The following FBXO16 variants were observed in gnomAD, a reference collection of about 807,000 sequenced individuals.
FBXO16 encodes F-box protein 16.
Under a neutral mutation model 41.0 loss-of-function variants are expected in FBXO16, and 31 were observed. The observed-to-expected ratio is 0.76, with a 90% CI of 0.57 to 1.02. The LOEUF is 1.02. Ranked by LOEUF, FBXO16 falls within the 50% of genes least tolerant of loss-of-function variation. FBXO16 has a pLI of 0.00. For synonymous variants in FBXO16, 133 were observed against 117.8 expected, an observed-to-expected ratio of 1.13 and a Z score of -0.84; for missense variants, 361 against 346.2, an observed-to-expected ratio of 1.04 and a Z score of -0.34.
At chr8:28,447,321 C>T (rs778405361) in intron 6 of FBXO16, 48 bp from the exon 7 acceptor site, 16 of 1,514,782 alleles carry the variant, frequency 1.1e-5, no homozygotes, top group Non-Finnish European at 1.4e-5. Flanking sequence ...CTTTTTAAAA[C>T]TCAGGTGGTT....
In FBXO16 at chr8:28,456,940, C is replaced by G. The variant is rs1220127654; in HGVS notation, c.343-10G>C. 5 of 1,610,054 alleles carry G rather than the reference C, an allele frequency of 3.1e-6. No individual in the cohort carries two copies. The Middle Eastern group carries it at 5.0e-4, about 160-fold the overall frequency. On this transcript the variant is annotated splice_polypyrimidine_tract_variant and intron_variant, in intron 4 of 8. Transcript: ENST00000380254. ...TCCAATGCCAGCACACCTGGAAAAACAATTACAATTAAACAAAACCAAATC... is the reference window on the plus strand; with the variant it reads ...TCCAATGCCAGCACACCTGGAAAAAGAATTACAATTAAACAAAACCAAATC...
rs891133126 is a variant in FBXO16, at chr8:28,465,109, AT to A, written c.136-1292del. 8.1e-3 allele frequency: 1,181 copies of A among 146,398 alleles called. 5 individuals are homozygous for A. Among genetic ancestry groups the A allele is most frequent in the South Asian group, 0.012 (63 of 5,374 alleles). The allele number at this position is 146,398 out of a possible 1,614,324, so 9.1% of individuals were successfully genotyped here. ...GTACAATGTATTTTAAATTTATTTG[AT>A]TTTTTTTTTTCTTTTTGGCTTCACA... On this transcript the variant is annotated intron_variant, in intron 3 of 8. Transcript: ENST00000380254.
intron 4 of FBXO16, among the ~76,000 whole-genome samples, chr8:28,460,651 C>T (rs1020369811): frequency 1.3e-5 from 2 of 151,846 alleles, no homozygotes; most frequent in Admixed American, 1.3e-4. Context: ...TTTCAAACTC[C>T]TGACCTCAAG....
chr8:28,430,703 GGC>G (rs1186613429), intron 7 of FBXO16, among the ~76,000 whole-genome samples: 2 of 152,182 alleles, frequency 1.3e-5, no homozygotes, highest in African/African-American at 2.4e-5. Context: ...CAGGCGCAGT[GGC>G]TCATGCCTGT....
intron 1 of FBXO16, among the ~76,000 whole-genome samples, chr8:28,485,195 A>G (rs1321434138): frequency 6.6e-6 from 1 of 151,962 alleles, no homozygotes; most frequent in Admixed American, 6.6e-5. Context: ...TTTTTTGAGA[A>G]GGAGTCTTGC....
chr8:28,429,469 T>C (rs905146439), intron 7 of FBXO16, 66 bp from the exon 8 acceptor site: 8 of 1,588,446 alleles, frequency 5.0e-6, no homozygotes, highest in Non-Finnish European at 6.9e-6. Flanking sequence ...CGAGCTGAGC[T>C]TGAAGGGAGA....
intron 1 of FBXO16, among the ~76,000 whole-genome samples, chr8:28,486,146 T>G (rs1024165884): frequency 2.6e-5 from 4 of 151,510 alleles, no homozygotes; most frequent in African/African-American, 9.7e-5. Flanking sequence ...GTGTAGCCAC[T>G]GAGTCTAGAT....
chr8:28,451,256 T>C (rs553220438), intron 6 of FBXO16, among the ~76,000 whole-genome samples: 22 of 152,340 alleles, frequency 1.4e-4, no homozygotes, highest in Non-Finnish European at 2.6e-4. Flanking sequence ...TAGAGCCCTA[T>C]TGGCTCCTGA....
chr8:28,439,403 T>C (rs1802730657), intron 7 of FBXO16, among the ~76,000 whole-genome samples: 4 of 152,142 alleles, frequency 2.6e-5, no homozygotes, highest in Admixed American at 2.6e-4. Flanking sequence ...CCAATGGATA[T>C]TTTTGGTTCT....
intron 6 of FBXO16, 149 bp from the exon 7 acceptor site, chr8:28,447,422 A>G (rs1802882584): frequency 4.7e-6 from 3 of 634,410 alleles, no homozygotes; most frequent in African/African-American, 1.8e-5. Flanking sequence ...GTCTATCAAT[A>G]GAGAACTGGT....
At chr8:28,436,812 T>C (rs771917398) in intron 7 of FBXO16, among the ~76,000 whole-genome samples, 20 of 152,326 alleles carry the variant, frequency 1.3e-4, no homozygotes, top group South Asian at 8.3e-4. Context: ...AGTGCAGTAG[T>C]ACAATCATAG....
Position 28,452,323 on chromosome 8 carries a change from A to T in FBXO16, c.661T>A (p.Ser221Thr). 2 of 1,614,202 alleles carry T rather than the reference A, an allele frequency of 1.2e-6. No homozygotes were observed. The highest frequency in any genetic ancestry group is 1.1e-5 in the South Asian group (1 of 91,084). ...ATATCTGTTGGGTGCTTATCAGAAGATCGCCAGGGTGGAAGTGCTTTCTCC... is the reference window on the plus strand; with the variant it reads ...ATATCTGTTGGGTGCTTATCAGAAGTTCGCCAGGGTGGAAGTGCTTTCTCC... ...SGEKALPPWR[S>T]SDKHPTDIIR... is the part of the protein sequence containing the mutation. Residue 221 changes from serine (S) to threonine (T), a missense_variant, in exon 6 of 9, where the codon TCT becomes ACT. Ser to Thr is a moderately conservative substitution (Grantham distance 58, BLOSUM62 1). Coordinates refer to ENST00000380254, the MANE Select transcript of FBXO16 (RefSeq NM_172366.4).
At position 28,456,931 on chromosome 8, in the gene FBXO16, C is replaced by A; in HGVS notation, c.343-1G>T. On this transcript the variant is annotated splice_acceptor_variant, in intron 4 of 8. Transcript: ENST00000380254. LOFTEE classifies it high-confidence loss of function. ...CAAGGTTCTTCCAATGCCAGCACAC[C>A]TGGAAAAACAATTACAATTAAACAA... 6.2e-7 allele frequency: 1 copy of A among 1,611,000 alleles called. No homozygotes were observed. Among genetic ancestry groups the A allele is most frequent in the Non-Finnish European group, 8.5e-7 (1 of 1,178,540 alleles).
intron 7 of FBXO16, among the ~76,000 whole-genome samples, chr8:28,444,897 C>T (rs987371007): frequency 2.0e-5 from 3 of 147,064 alleles, no homozygotes; most frequent in African/African-American, 7.6e-5. Context: ...TCCCAAAGTG[C>T]TGGGATTACA....
intron 7 of FBXO16, among the ~76,000 whole-genome samples, chr8:28,436,264 CTG>C (rs1802685657): frequency 1.3e-5 from 2 of 152,192 alleles, no homozygotes; most frequent in African/African-American, 4.8e-5. Context: ...CTGCTGTCTC[CTG>C]TCTGCTCAGG....
At chr8:28,469,548 T>C (rs555298773) in intron 3 of FBXO16, among the ~76,000 whole-genome samples, 1 of 152,230 alleles carries the variant, frequency 6.6e-6, no homozygotes, top group Admixed American at 6.5e-5. Flanking sequence ...TCCATCAGCT[T>C]AGTGGCAGTG....
At chr8:28,473,982 TC>T (rs1327913028) in intron 2 of FBXO16, among the ~76,000 whole-genome samples, 175 bp from the exon 3 acceptor site, 1 of 151,984 alleles carries the variant, frequency 6.6e-6, no homozygotes, top group Admixed American at 6.6e-5. Context: ...GGTTTCTCTC[TC>T]TTTTTTTTTC....
chr8:28,489,119 C>T (rs559260221), intron 1 of FBXO16, among the ~76,000 whole-genome samples: 2 of 152,112 alleles, frequency 1.3e-5, no homozygotes, highest in Non-Finnish European at 2.9e-5. Flanking sequence ...ATCACCTGAG[C>T]TCAGGAGTTC....
At chr8:28,475,947 C>T (rs1226663394) in intron 2 of FBXO16, among the ~76,000 whole-genome samples, 2 of 152,076 alleles carry the variant, frequency 1.3e-5, no homozygotes, top group Non-Finnish European at 2.9e-5. Flanking sequence ...TTTAAAAATC[C>T]CTGGGTCCAA....
Sources: gnomAD v4.1 joint callset for allele counts (sites outside exome capture counted in the v4.1 genomes callset) on GRCh38, gnomAD v4.1.1 for gene constraint, MANE v1.5 for transcripts, NCBI Gene and HGNC (gene_info 2026-07-23, HGNC 2026-07-21) for gene names.